STXBP6: variants seen among roughly 807,000 people sequenced by gnomAD.
STXBP6 encodes the protein syntaxin-binding protein 6.
In STXBP6, 21 loss-of-function variants were observed where a neutral mutation model predicts 26.9. That is an observed-to-expected ratio of 0.78 (90% CI 0.55 to 1.12). STXBP6 has a LOEUF of 1.12. Among genes scored for constraint, STXBP6 ranks in the 50% most tolerant of loss-of-function variants. The pLI is 0.00. For missense variants in STXBP6, 232 were observed against 257.9 expected, an observed-to-expected ratio of 0.90 and a Z score of 0.69; for synonymous variants, 97 against 92.6, an observed-to-expected ratio of 1.05 and a Z score of -0.27.
intron 1 of STXBP6, among the ~76,000 whole-genome samples, chr14:25,046,489 A>G (rs867807112): frequency 2.0e-5 from 3 of 152,244 alleles, no homozygotes; most frequent in South Asian, 4.1e-4. Flanking sequence ...AAACTAAAAC[A>G]AAGCACAAAT....
rs963827995 is a variant in STXBP6 at position 24,925,135 on chromosome 14, A to G, written c.154+49530T>C. On this transcript the variant is annotated intron_variant, in intron 2 of 5. Transcript: ENST00000323944. The stretch of plus-strand genomic sequence containing the variant: ...ATATATGGGTGAGACTTCACCTTAC[A>G]GGTGTATTTACAATAGAACTTCATC... Among the ~76,000 whole-genome samples the G allele has an allele frequency of 2.6e-4, 40 of 152,202 alleles. 1 individual carries two copies. The highest frequency in any genetic ancestry group is 2.9e-5 in the Non-Finnish European group (2 of 68,030).
intron 2 of STXBP6, among the ~76,000 whole-genome samples, chr14:24,909,448 A>G (rs2139705069): frequency 6.6e-6 from 1 of 152,238 alleles, no homozygotes; most frequent in South Asian, 2.1e-4. Flanking sequence ...ATAAAGTAAG[A>G]CTAAAGTCTG....
intron 2 of STXBP6, among the ~76,000 whole-genome samples, chr14:24,908,106 T>C (rs898086262): frequency 6.6e-6 from 1 of 152,182 alleles, no homozygotes; most frequent in African/African-American, 2.4e-5. Flanking sequence ...CTCCTCTGTC[T>C]CCTAGTCTTT....
At chr14:25,043,574 A>C (rs1027462476) in intron 1 of STXBP6, among the ~76,000 whole-genome samples, 2 of 152,218 alleles carry the variant, frequency 1.3e-5, no homozygotes, top group African/African-American at 4.8e-5. Context: ...CCCCAGAAAG[A>C]AACCTCAGAC....
intron 4 of STXBP6, among the ~76,000 whole-genome samples, 197 bp downstream of exon 4, chr14:24,855,739 C>T (rs1245828967): frequency 2.6e-5 from 4 of 152,046 alleles, no homozygotes; most frequent in Admixed American, 2.0e-4. Flanking sequence ...AGCTTTTGGA[C>T]AAGAGTGAAA....
intron 1 of STXBP6, among the ~76,000 whole-genome samples, chr14:24,992,860 A>G (rs961904604): frequency 2.0e-5 from 3 of 152,332 alleles, no homozygotes; most frequent in African/African-American, 4.8e-5. Flanking sequence ...CAGAAGCACA[A>G]ACAACACTGA....
At chr14:24,995,499 T>C (rs966417633) in intron 1 of STXBP6, among the ~76,000 whole-genome samples, 2 of 152,092 alleles carry the variant, frequency 1.3e-5, no homozygotes, top group African/African-American at 4.8e-5. Flanking sequence ...CTAGGGAGAT[T>C]TGGAAATACT....
intron 2 of STXBP6, among the ~76,000 whole-genome samples, chr14:24,908,800 C>G (rs565559889): frequency 6.6e-6 from 1 of 152,134 alleles, no homozygotes; most frequent in Non-Finnish European, 1.5e-5. Context: ...GTCAGAGGCT[C>G]GGCTGAGCTG....
intron 4 of STXBP6, among the ~76,000 whole-genome samples, chr14:24,846,547 C>T (rs1385492911): frequency 6.6e-6 from 1 of 152,030 alleles, no homozygotes; most frequent in Non-Finnish European, 1.5e-5. Context: ...GAGTGGATGT[C>T]CATAAAGGTT....
intron 1 of STXBP6, among the ~76,000 whole-genome samples, chr14:25,046,093 C>T (rs1170735186): frequency 2.0e-5 from 3 of 151,874 alleles, no homozygotes; most frequent in African/African-American, 7.3e-5. Context: ...GTCCTAATGA[C>T]CAAAAAGAAA....
At position 25,037,354 on chromosome 14, in the gene STXBP6, G is replaced by C. The variant is rs995475541; in HGVS notation, c.-33+12524C>G. Among the ~76,000 whole-genome samples, 9 of 152,346 alleles carry C rather than the reference G, an allele frequency of 5.9e-5. No homozygotes were observed. In the East Asian group the frequency reaches 1.3e-3, roughly 23 times the overall value. On this transcript the variant is annotated intron_variant, in intron 1 of 5. Coordinates refer to ENST00000323944, the MANE Select transcript of STXBP6 (RefSeq NM_001394410.1). ...TTCCTCCAACACTTGTCAGAGGAGA[G>C]GCAGGGTAGGGAAAGGAAAAGGCAA...
chr14:24,856,236 G>T, intron 3 of STXBP6, 135 bp from the exon 4 acceptor site: 1 of 838,686 alleles, frequency 1.2e-6, no homozygotes, highest in Non-Finnish European at 1.7e-6. Flanking sequence ...TTATCCAAGT[G>T]TATGGAGAGT....
intron 2 of STXBP6, among the ~76,000 whole-genome samples, chr14:24,860,812 C>T (rs978959244): frequency 6.7e-6 from 1 of 148,940 alleles, no homozygotes; most frequent in Non-Finnish European, 1.5e-5. Context: ...AAAAGAAAAA[C>T]AGATTGCACC....
intron 2 of STXBP6, among the ~76,000 whole-genome samples, chr14:24,916,214 C>T (rs1201422171): frequency 6.6e-6 from 1 of 152,088 alleles, no homozygotes; most frequent in Non-Finnish European, 1.5e-5. Context: ...GCCTAAATTG[C>T]TATGAGAATG....
intron 4 of STXBP6, among the ~76,000 whole-genome samples, chr14:24,829,379 A>G (rs1305440637): frequency 6.6e-6 from 1 of 152,238 alleles, no homozygotes. Context: ...TTCATAAACA[A>G]TGTTTATAAA....
intron 2 of STXBP6, among the ~76,000 whole-genome samples, chr14:24,963,205 G>A (rs2073609815): frequency 6.6e-6 from 1 of 152,122 alleles, no homozygotes; most frequent in African/African-American, 2.4e-5. Flanking sequence ...ACTCTGACCT[G>A]TCCACAAGAT....
At position 24,970,479 on chromosome 14, in the gene STXBP6, G is replaced by C. The variant is rs552587702; in HGVS notation, c.154+4186C>G. On this transcript the variant is annotated intron_variant, in intron 2 of 5. Transcript: ENST00000323944. ...AATGTCATATAAATAGAATCACATA[G>C]TATATTGATGCTTCTGTCTGTTTTT... is the stretch of plus-strand genomic sequence containing the variant. Among the ~76,000 whole-genome samples, 4 of 152,026 alleles carry C rather than the reference G, an allele frequency of 2.6e-5. No homozygotes were observed. The South Asian group carries it at 8.3e-4, about 32-fold the overall frequency.
chr14:25,009,174 TA>T (rs2074974166), intron 1 of STXBP6, among the ~76,000 whole-genome samples: 1 of 152,220 alleles, frequency 6.6e-6, no homozygotes, highest in Non-Finnish European at 1.5e-5. Context: ...AACTGTATTA[TA>T]AGACGTCAAG....
rs963823195 is a variant in STXBP6 at position 24,875,307 on chromosome 14, A to G, written c.155-18150T>C. On this transcript the variant is annotated intron_variant, in intron 2 of 5. Transcript: ENST00000323944. ...GCCCACTGTGATGCCCCTTCTCTCA[A>G]GCCTGGAGATCTCACTGATAAAATG... Among the ~76,000 whole-genome samples the G allele has an allele frequency of 5.3e-5, 8 of 152,318 alleles. 2 individuals are homozygous for G. The highest frequency in any genetic ancestry group is 3.9e-4 in the Admixed American group (6 of 15,304).
Sources: allele counts gnomAD v4.1 joint callset (sites outside exome capture counted in the v4.1 genomes callset), GRCh38; gene constraint gnomAD v4.1.1; transcripts MANE v1.5; gene names NCBI Gene and HGNC (gene_info 2026-07-23, HGNC 2026-07-21).